NPAS3: variants seen among roughly 807,000 people sequenced by gnomAD.
NPAS3 encodes neuronal PAS domain-containing protein 3.
A neutral mutation model predicts 73.1 loss-of-function variants in NPAS3; 14 were observed. That is an observed-to-expected ratio of 0.19 (90% CI 0.13 to 0.30). The LOEUF is 0.30. Ranked by LOEUF, NPAS3 falls within the 10% of genes least tolerant of loss-of-function variation. The pLI is 1.00. For missense variants in NPAS3, 1,096 were observed against 1,250.0 expected, an observed-to-expected ratio of 0.88 and a Z score of 1.86; for synonymous variants, 620 against 541.5, an observed-to-expected ratio of 1.14 and a Z score of -2.01.
At chr14:33,590,529 C>T (rs765530396) in intron 5 of NPAS3, among the ~76,000 whole-genome samples, 1 of 152,046 alleles carries the variant, frequency 6.6e-6, no homozygotes, top group Non-Finnish European at 1.5e-5. Flanking sequence ...AAGACCAAAC[C>T]CATGTGTTTT....
At chr14:33,721,747 A>G (rs2061118251) in intron 6 of NPAS3, among the ~76,000 whole-genome samples, 1 of 152,204 alleles carries the variant, frequency 6.6e-6, no homozygotes, top group Non-Finnish European at 1.5e-5. Context: ...CAGGTCATAG[A>G]TTTGAGTAAA....
intron 4 of NPAS3, among the ~76,000 whole-genome samples, chr14:33,474,050 A>G (rs2050908176): frequency 6.6e-6 from 1 of 152,172 alleles, no homozygotes; most frequent in African/African-American, 2.4e-5. Context: ...GTGAGGTGGC[A>G]GAGTCTAGAT....
intron 6 of NPAS3, among the ~76,000 whole-genome samples, chr14:33,700,044 C>T (rs1351720353): frequency 6.6e-6 from 1 of 152,068 alleles, no homozygotes; most frequent in African/African-American, 2.4e-5. Context: ...TAACTTGTTC[C>T]CTCTGGGGAA....
chr14:33,774,765 G>T (rs751600306), intron 8 of NPAS3, among the ~76,000 whole-genome samples: 1 of 152,188 alleles, frequency 6.6e-6, no homozygotes, highest in Non-Finnish European at 1.5e-5. Context: ...ACATCCATAT[G>T]CTATAAAGAA....
At chr14:32,960,019 G>A (rs969529239) in intron 1 of NPAS3, among the ~76,000 whole-genome samples, 2 of 121,804 alleles carry the variant, frequency 1.6e-5, no homozygotes, top group Admixed American at 2.0e-4. Context: ...GTACTTAATT[G>A]TTGAATTAGG....
At chr14:33,431,402 T>C (rs1201812723) in intron 4 of NPAS3, among the ~76,000 whole-genome samples, 2 of 152,232 alleles carry the variant, frequency 1.3e-5, no homozygotes, top group African/African-American at 4.8e-5. Context: ...AAAATTTATA[T>C]ATTGCTTTTG....
intron 3 of NPAS3, among the ~76,000 whole-genome samples, chr14:33,319,241 G>C (rs1026489690): frequency 1.3e-5 from 2 of 152,102 alleles, no homozygotes; most frequent in Non-Finnish European, 2.9e-5. Flanking sequence ...TTAAAGGCTA[G>C]GCAGGAGCTA....
chr14:33,558,422 C>T (rs2055467628), intron 4 of NPAS3, among the ~76,000 whole-genome samples: 1 of 152,078 alleles, frequency 6.6e-6, no homozygotes, highest in Non-Finnish European at 1.5e-5. Flanking sequence ...CCACACCCAG[C>T]TAATTTTTGT....
chr14:33,376,408 A>G (rs1375236338), intron 4 of NPAS3, among the ~76,000 whole-genome samples: 1 of 152,204 alleles, frequency 6.6e-6, no homozygotes, highest in Non-Finnish European at 1.5e-5. Context: ...TTTCTCTGAA[A>G]AGCTCAAATT....
intron 4 of NPAS3, among the ~76,000 whole-genome samples, chr14:33,371,947 C>T (rs1466227123): frequency 6.6e-6 from 1 of 152,130 alleles, no homozygotes; most frequent in Non-Finnish European, 1.5e-5. Flanking sequence ...CTCAAGTTCA[C>T]ATGTCTGTTT....
chr14:33,419,860 A>T (rs1414253186), intron 4 of NPAS3, among the ~76,000 whole-genome samples: 1 of 151,930 alleles, frequency 6.6e-6, no homozygotes, highest in Non-Finnish European at 1.5e-5. Flanking sequence ...GTAAAGTGAG[A>T]TTGCGGGAGC....
At chr14:32,972,209 A>G (rs1298749782) in intron 1 of NPAS3, among the ~76,000 whole-genome samples, 1 of 151,744 alleles carries the variant, frequency 6.6e-6, no homozygotes, top group African/African-American at 2.4e-5. Flanking sequence ...AAGTGCTGGG[A>G]TTACAGGCGT....
intron 2 of NPAS3, among the ~76,000 whole-genome samples, chr14:33,131,163 C>A (rs970739520): frequency 1.3e-5 from 2 of 152,122 alleles, no homozygotes; most frequent in African/African-American, 4.8e-5. Flanking sequence ...GTAACAAAGA[C>A]ACTTTTTTCC....
chr14:32,981,849 G>T (rs190392561), intron 1 of NPAS3, among the ~76,000 whole-genome samples: 1 of 152,134 alleles, frequency 6.6e-6, no homozygotes, highest in Admixed American at 6.5e-5. Context: ...AATCCAGGCC[G>T]TTTTCTTTTC....
At chr14:33,290,047 C>T (rs955338617) in intron 3 of NPAS3, among the ~76,000 whole-genome samples, 6 of 152,058 alleles carry the variant, frequency 3.9e-5, no homozygotes, top group Admixed American at 3.9e-4. Context: ...TTGGGAGCTG[C>T]CTGTTTCATG....
chr14:33,151,857 T>C (rs4547256), intron 2 of NPAS3, among the ~76,000 whole-genome samples: 36,941 of 152,114 alleles, frequency 0.24, 5,246 homozygotes, highest in East Asian at 0.46. Flanking sequence ...AGTCTCTTTC[T>C]CTCTAAGAGA....
chr14:33,629,509 T>C lies in NPAS3; in HGVS notation c.559-46702T>C, dbSNP rs981712655. Among the ~76,000 whole-genome samples, 4 of 152,122 alleles carry C rather than the reference T, an allele frequency of 2.6e-5. 1 individual carries two copies. Among genetic ancestry groups the C allele is most frequent in the Admixed American group, 6.6e-5 (1 of 15,266 alleles). On this transcript the variant is annotated intron_variant, in intron 5 of 11. Transcript: ENST00000356141. ...TGTGTGTATGAACTTGAAAAACTGA[T>C]GGACTGAAGAAACTAATGATAGCAG...
intron 4 of NPAS3, among the ~76,000 whole-genome samples, chr14:33,501,101 T>C (rs2052492532): frequency 6.6e-6 from 1 of 152,046 alleles, no homozygotes; most frequent in South Asian, 2.1e-4. Context: ...GTCATATCAA[T>C]ATATTTCCTT....
intron 2 of NPAS3, among the ~76,000 whole-genome samples, chr14:33,212,470 A>AG (rs1210466165): frequency 6.6e-6 from 1 of 151,858 alleles, no homozygotes; most frequent in Non-Finnish European, 1.5e-5. Flanking sequence ...GTAGGATAAA[A>AG]AAAACATAAA....
Sources: allele counts gnomAD v4.1 joint callset (sites outside exome capture counted in the v4.1 genomes callset), GRCh38; gene constraint gnomAD v4.1.1; transcripts MANE v1.5; gene names NCBI Gene and HGNC (gene_info 2026-07-23, HGNC 2026-07-21).